The following NRXN3 variants were observed in gnomAD, a reference collection of about 807,000 sequenced individuals.
NRXN3 encodes neurexin III.
NRXN3 carries 32 observed loss-of-function variants against 137.6 expected under a neutral mutation model. The ratio of observed to expected loss-of-function variants is 0.23; its 90% CI spans 0.18 to 0.31. The LOEUF (loss-of-function observed/expected upper bound fraction) is 0.31, where lower values mean the gene tolerates loss of function less well. NRXN3 is among the 10% of genes least tolerant of loss of function. NRXN3 has a pLI of 1.00. For missense variants in NRXN3, 1,574 were observed against 2,062.5 expected (o/e 0.76, Z 4.59); for synonymous variants, 798 against 784.5 (o/e 1.02, Z -0.29).
At chr14:78,509,360 G>C (rs2096060814) in intron 4 of NRXN3, among the ~76,000 whole-genome samples, 1 of 152,138 alleles carries the variant, frequency 6.6e-6, no homozygotes, top group Non-Finnish European at 1.5e-5. Context: ...AAAGGTGTGT[G>C]AGAATCAATT....
At chr14:78,213,490 T>C (rs761478384) in intron 1 of NRXN3, among the ~76,000 whole-genome samples, 1 of 152,152 alleles carries the variant, frequency 6.6e-6, no homozygotes, top group Non-Finnish European at 1.5e-5. Context: ...AAGAGCCTCC[T>C]CTGCAGCCCA....
At chr14:78,275,025 T>C (rs1005805086) in intron 2 of NRXN3, among the ~76,000 whole-genome samples, 7 of 152,226 alleles carry the variant, frequency 4.6e-5, no homozygotes, top group African/African-American at 1.7e-4. Context: ...CTAGATCTTT[T>C]GCATTTGCTA....
In NRXN3 at chr14:78,689,217, T is replaced by C. The variant is rs79485657; in HGVS notation, c.1222-20000T>C. 5.0e-3 allele frequency among the ~76,000 whole-genome samples: 757 copies of C among 152,296 alleles called. 4 individuals carry two copies. The highest frequency in any genetic ancestry group is 0.036 in the East Asian group (187 of 5,180). The stretch of plus-strand genomic sequence containing the variant: ...ATAGTTAGTGCCATACTCATCGTTG[T>C]ATTTTTCTTCTTTTTTACCTCCTCC... On this transcript the variant is annotated intron_variant, in intron 6 of 20. Transcript: ENST00000335750.
At chr14:79,007,825 AAAAG>A (rs1327036652) in intron 15 of NRXN3, among the ~76,000 whole-genome samples, 2 of 151,610 alleles carry the variant, frequency 1.3e-5, no homozygotes, top group East Asian at 3.9e-4. Flanking sequence ...AAAAAAAAAA[AAAAG>A]CAGAAAAATG....
intron 20 of NRXN3, among the ~76,000 whole-genome samples, chr14:79,828,742 T>C (rs2099313588): frequency 6.7e-6 from 1 of 150,314 alleles, no homozygotes; most frequent in South Asian, 2.1e-4. Context: ...TTCCAGGCTC[T>C]CATAGTCTTA....
At chr14:79,473,164 A>G (rs1248049373) in intron 16 of NRXN3, among the ~76,000 whole-genome samples, 1 of 152,022 alleles carries the variant, frequency 6.6e-6, no homozygotes, top group Non-Finnish European at 1.5e-5. Flanking sequence ...GCAGACAAAG[A>G]ACTGCTGTCC....
At chr14:78,778,410 G>T (rs1047076517) in intron 8 of NRXN3, among the ~76,000 whole-genome samples, 11 of 152,130 alleles carry the variant, frequency 7.2e-5, no homozygotes, top group Non-Finnish European at 1.6e-4. Context: ...CTTCCTTGGT[G>T]CAGTTAATTT....
intron 19 of NRXN3, among the ~76,000 whole-genome samples, chr14:79,748,328 G>C (rs187191245): frequency 1.1e-3 from 160 of 152,254 alleles, no homozygotes; most frequent in African/African-American, 3.7e-3. Flanking sequence ...TGTTGTGGTT[G>C]CTGTTTTTCT....
intron 15 of NRXN3, among the ~76,000 whole-genome samples, chr14:79,325,043 C>T (rs1012268415): frequency 2.0e-5 from 3 of 152,170 alleles, no homozygotes; most frequent in Non-Finnish European, 4.4e-5. Context: ...TATTTGTATA[C>T]ATTTATCTCT....
intron 8 of NRXN3, among the ~76,000 whole-genome samples, chr14:78,780,879 T>C (rs766892417): frequency 2.0e-5 from 3 of 152,228 alleles, no homozygotes; most frequent in Non-Finnish European, 4.4e-5. Context: ...GCAGCCACTT[T>C]GAAATACAAT....
intron 4 of NRXN3, among the ~76,000 whole-genome samples, chr14:78,415,098 GAGAAACAGCTCTA>G (rs1168669040): frequency 6.6e-6 from 1 of 152,162 alleles, no homozygotes; most frequent in Non-Finnish European, 1.5e-5. Flanking sequence ...AGACAGACTT[GAGAAACAGCTCTA>G]AGATTTGGGC....
intron 8 of NRXN3, among the ~76,000 whole-genome samples, chr14:78,769,165 C>G (rs891296669): frequency 4.6e-5 from 7 of 152,200 alleles, no homozygotes; most frequent in African/African-American, 1.7e-4. Flanking sequence ...TAACAAAAGA[C>G]ACTCTCCTCC....
At chr14:79,387,134 G>A (rs970129927) in intron 15 of NRXN3, among the ~76,000 whole-genome samples, 1 of 152,068 alleles carries the variant, frequency 6.6e-6, no homozygotes, top group Admixed American at 6.5e-5. Flanking sequence ...CTTCTGCACA[G>A]CAAAAGAAAC....
chr14:79,105,736 A>G (rs1262493769), intron 15 of NRXN3, among the ~76,000 whole-genome samples: 1 of 152,214 alleles, frequency 6.6e-6, no homozygotes, highest in African/African-American at 2.4e-5. Context: ...TCAGAGAAAC[A>G]GTGGAGAAAC....
chr14:79,483,859 C>T (rs539503215), intron 16 of NRXN3, among the ~76,000 whole-genome samples: 15 of 152,136 alleles, frequency 9.9e-5, no homozygotes, highest in Non-Finnish European at 1.6e-4. Context: ...TACAGCTAAC[C>T]GCCAAGGGCC....
intron 15 of NRXN3, among the ~76,000 whole-genome samples, chr14:79,314,310 A>C (rs1204823152): frequency 9.7e-6 from 1 of 103,620 alleles, no homozygotes. Flanking sequence ...TGACGGACGC[A>C]CCTGGAAAAT....
chr14:78,181,704 C>T (rs1321517692), intron 1 of NRXN3, among the ~76,000 whole-genome samples: 1 of 152,166 alleles, frequency 6.6e-6, no homozygotes, highest in African/African-American at 2.4e-5. Context: ...TCAGCAGCAA[C>T]CATCCTGAGT....
chr14:78,388,492 A>G (rs1232823996), intron 4 of NRXN3, among the ~76,000 whole-genome samples: 2 of 152,160 alleles, frequency 1.3e-5, no homozygotes, highest in African/African-American at 2.4e-5. Context: ...TTTTCTTACT[A>G]AAGAAAGTAA....
intron 10 of NRXN3, among the ~76,000 whole-genome samples, chr14:78,938,848 CTT>C (rs1255540319): frequency 1.3e-4 from 17 of 131,966 alleles, no homozygotes; most frequent in Admixed American, 2.3e-4. Context: ...AGTGATTTTT[CTT>C]TTTTTTTTTT....
Sources: allele counts gnomAD v4.1 joint callset (sites outside exome capture counted in the v4.1 genomes callset), GRCh38; gene constraint gnomAD v4.1.1; transcripts MANE v1.5; gene names NCBI Gene and HGNC (gene_info 2026-07-23, HGNC 2026-07-21).